The following TCEA3 variants were observed in gnomAD, a reference collection of about 807,000 sequenced individuals.
The protein encoded by TCEA3 is transcription elongation factor A3.
A neutral mutation model predicts 44.0 loss-of-function variants in TCEA3; 36 were observed. The ratio of observed to expected loss-of-function variants is 0.82; its 90% CI spans 0.63 to 1.08. The LOEUF is 1.08. Among genes scored for constraint, TCEA3 ranks in the 50% least tolerant of loss-of-function variants. The pLI is 0.00. For missense variants in TCEA3, 392 were observed against 441.2 expected, an observed-to-expected ratio of 0.89 and a Z score of 1.00; for synonymous variants, 162 against 159.7, an observed-to-expected ratio of 1.01 and a Z score of -0.11.
intron 7 of TCEA3, 35 bp downstream of exon 7, chr1:23,397,510 C>A: frequency 6.2e-7 from 1 of 1,602,738 alleles, no homozygotes; most frequent in Non-Finnish European, 8.5e-7. Flanking sequence ...CTAGACGGTG[C>A]AGACACCCAC....
intron 5 of TCEA3, among the ~76,000 whole-genome samples, chr1:23,401,795 T>A (rs920906751): frequency 1.3e-5 from 2 of 152,064 alleles, no homozygotes; most frequent in African/African-American, 2.4e-5. Context: ...CTGGTACCAG[T>A]CTGTGGCCTG....
At chr1:23,382,287 C>A (rs1638690187) in intron 10 of TCEA3, among the ~76,000 whole-genome samples, 1 of 152,142 alleles carries the variant, frequency 6.6e-6, no homozygotes, top group Non-Finnish European at 1.5e-5. Context: ...CTCAGGTGAT[C>A]CACCGGCCTC....
At chr1:23,389,189 C>T (rs1017722006) in intron 8 of TCEA3, among the ~76,000 whole-genome samples, 17 of 152,042 alleles carry the variant, frequency 1.1e-4, no homozygotes, top group Admixed American at 1.1e-3. Flanking sequence ...TTTGCCCATT[C>T]AAAATTTATT....
At chr1:23,420,265 A>T (rs1558077194) in intron 1 of TCEA3, among the ~76,000 whole-genome samples, 1 of 152,130 alleles carries the variant, frequency 6.6e-6, no homozygotes, top group Non-Finnish European at 1.5e-5. Context: ...TTTTTGAGAC[A>T]AGATCTCACT....
At chr1:23,392,767 A>G (rs531801370) in intron 8 of TCEA3, among the ~76,000 whole-genome samples, 206 of 150,496 alleles carry the variant, frequency 1.4e-3, no homozygotes, top group African/African-American at 4.7e-3. Context: ...CACACCACAC[A>G]CACACCCACT....
At chr1:23,399,144 G>GTATATATATATATATATATATATATATA (rs60424866) in intron 5 of TCEA3, among the ~76,000 whole-genome samples, 8 of 61,156 alleles carry the variant, frequency 1.3e-4, no homozygotes, top group Non-Finnish European at 2.2e-4. Context: ...ATGTATATAT[G>GTATATATATATATATATATATATATATA]TATATATATA....
intron 8 of TCEA3, among the ~76,000 whole-genome samples, chr1:23,388,599 C>T (rs1244661615): frequency 1.3e-5 from 2 of 152,130 alleles, no homozygotes; most frequent in Non-Finnish European, 2.9e-5. Flanking sequence ...TCATTATAAC[C>T]ACTTAGGCTT....
At chr1:23,395,498 G>A (rs1197276781) in intron 7 of TCEA3, among the ~76,000 whole-genome samples, 1 of 152,226 alleles carries the variant, frequency 6.6e-6, no homozygotes, top group Non-Finnish European at 1.5e-5. Flanking sequence ...GAGCTAAAGT[G>A]TTTGATGCAG....
In TCEA3 at chr1:23,419,138, T is replaced by A. The variant is rs1190430784; in HGVS notation, c.71A>T (p.Glu24Val). Reference sequence around the variant, plus strand: ...CTTCTTCAGAAGGTCCAGGGCCCCTTCCTGTGGGAGGCCACAAGGTGAGGA... The same window carrying A: ...CTTCTTCAGAAGGTCCAGGGCCCCTACCTGTGGGAGGCCACAAGGTGAGGA... ...LEKMVARKNT[E>V]GALDLLKKLH... Residue 24 changes from glutamate to valine, a missense_variant and splice_region_variant, in exon 2 of 11, where the codon GAA becomes GTA. Coordinates refer to ENST00000450454, the MANE Select transcript of TCEA3 (RefSeq NM_003196.3). 2.0e-6 allele frequency: 3 copies of A among 1,506,414 alleles called. No homozygotes were observed. The Admixed American group carries it at 5.5e-5, about 28-fold the overall frequency. The allele number at this position is 1,506,414 out of a possible 1,614,324, so 93.3% of individuals were successfully genotyped here. A position where few individuals can be genotyped will look rare whatever the true frequency, so the allele number is the denominator to read the frequency against.
intron 8 of TCEA3, among the ~76,000 whole-genome samples, chr1:23,391,446 G>A (rs576249087): frequency 2.0e-4 from 31 of 152,134 alleles, no homozygotes; most frequent in African/African-American, 6.7e-4. Flanking sequence ...GTCTTTGGGA[G>A]GTGATTAGCT....
intron 10 of TCEA3, chr1:23,384,121 C>T (rs1453626209): frequency 7.3e-7 from 1 of 1,361,984 alleles, no homozygotes; most frequent in Non-Finnish European, 9.5e-7. Context: ...GGGCTGCTGC[C>T]CCCACCCCAG....
intron 10 of TCEA3, chr1:23,383,831 G>A: frequency 2.0e-6 from 2 of 986,910 alleles, no homozygotes; most frequent in Non-Finnish European, 2.4e-6. Flanking sequence ...TGCAGGAGCT[G>A]GGGCAGTCTG....
chr1:23,423,967 G>A (rs1640140043), intron 1 of TCEA3: 1 of 412,692 alleles, frequency 2.4e-6, no homozygotes, highest in Admixed American at 2.9e-5. Context: ...GCCCCCGCCC[G>A]TCCGGGCCGC....
chr1:23,406,120 A>G (rs564744409), intron 5 of TCEA3, among the ~76,000 whole-genome samples: 1 of 152,282 alleles, frequency 6.6e-6, no homozygotes, highest in Admixed American at 6.5e-5. Flanking sequence ...CACATCAGAC[A>G]TTGCTAATTG....
intron 10 of TCEA3, among the ~76,000 whole-genome samples, chr1:23,382,266 A>G (rs1479914722): frequency 6.6e-6 from 1 of 151,994 alleles, no homozygotes; most frequent in Non-Finnish European, 1.5e-5. Flanking sequence ...GGCTGGTCTC[A>G]AACTCCCGAC....
Position 23,381,414 on chromosome 1 carries a change from T to A in TCEA3, c.*52A>T. On this transcript the variant is annotated 3_prime_UTR_variant, in exon 11 of 11. Transcript: ENST00000450454. ...TTTATTGCTTCTCCAGTTCAGATAATTCAGCGCTTCCTCTTTCTTCTTCCT... is the reference window on the plus strand; with the variant it reads ...TTTATTGCTTCTCCAGTTCAGATAAATCAGCGCTTCCTCTTTCTTCTTCCT... 1.3e-6 allele frequency: 1 copy of A among 779,670 alleles called. No homozygotes were observed. The highest frequency in any genetic ancestry group is 2.4e-6 in the Non-Finnish European group (1 of 417,738). 48.3% of individuals were successfully genotyped at this position (779,670 alleles called of 1,614,324 possible).
intron 5 of TCEA3, 41 bp from the exon 6 acceptor site, chr1:23,397,996 A>G (rs1041659488): frequency 6.2e-7 from 1 of 1,605,694 alleles, no homozygotes; most frequent in Non-Finnish European, 8.5e-7. Flanking sequence ...ACATTAAGAG[A>G]GTAAAGCATT....
intron 2 of TCEA3, 95 bp from the exon 3 acceptor site, chr1:23,418,104 C>T (rs193207813): frequency 2.1e-5 from 25 of 1,214,240 alleles, no homozygotes; most frequent in African/African-American, 3.0e-5. Flanking sequence ...ACCACCACCT[C>T]CCCTTCCAAC....
intron 10 of TCEA3, chr1:23,384,042 C>T (rs1638749152): frequency 8.1e-7 from 1 of 1,241,524 alleles, no homozygotes; most frequent in South Asian, 2.5e-5. Context: ...TTCCTCTCCT[C>T]TGTGGATCTC....
Sources: allele counts gnomAD v4.1 joint callset (sites outside exome capture counted in the v4.1 genomes callset), GRCh38; gene constraint gnomAD v4.1.1; transcripts MANE v1.5; gene names NCBI Gene and HGNC (gene_info 2026-07-23, HGNC 2026-07-21).